Variants in TAFA5 observed in about 807,000 individuals in gnomAD.
TAFA5 encodes the protein TAFA chemokine like family member 5.
TAFA5 carries 6 observed loss-of-function variants against 15.3 expected under a neutral mutation model. The observed-to-expected ratio is 0.39, with a 90% confidence interval of 0.21 to 0.77. The LOEUF (loss-of-function observed/expected upper bound fraction) is 0.77. TAFA5 is among the 30% of genes least tolerant of loss of function. TAFA5 has a pLI of 0.41. For synonymous variants in TAFA5, 103 were observed against 80.7 expected (o/e 1.28, Z -1.48); for missense variants, 161 against 193.1 (o/e 0.83, Z 0.98).
rs182954193 is a variant in TAFA5 at position 48,745,687 on chromosome 22, G to A, written c.391-4152G>A. Among the ~76,000 whole-genome samples, 220 of 152,340 alleles carry A rather than the reference G, an allele frequency of 1.4e-3. 1 individual carries two copies. The highest frequency in any genetic ancestry group is 3.4e-3 in the Middle Eastern group (1 of 294). On this transcript the variant is annotated intron_variant, in intron 3 of 3. Coordinates refer to ENST00000402357, the MANE Select transcript of TAFA5 (RefSeq NM_001082967.3). Reference sequence around the variant, plus strand: ...ATGACTGTTCATCTGGGGCAGCAGCGGTGCCTCCTGTCAGATGCCTCTTCT... The same window carrying A: ...ATGACTGTTCATCTGGGGCAGCAGCAGTGCCTCCTGTCAGATGCCTCTTCT...
intron 1 of TAFA5, among the ~76,000 whole-genome samples, chr22:48,632,038 G>A (rs1232793736): frequency 6.6e-6 from 1 of 152,222 alleles, no homozygotes; most frequent in East Asian, 1.9e-4. Context: ...TTGTCACTGA[G>A]TGTCATGTGA....
intron 2 of TAFA5, among the ~76,000 whole-genome samples, chr22:48,680,946 G>A (rs550567800): frequency 5.4e-4 from 82 of 152,324 alleles, no homozygotes; most frequent in Non-Finnish European, 9.3e-4. Context: ...CCCAACCTGC[G>A]CTCCCACCAC....
intron 1 of TAFA5, among the ~76,000 whole-genome samples, chr22:48,645,440 C>G (rs888119283): frequency 6.6e-6 from 1 of 152,136 alleles, no homozygotes; most frequent in Non-Finnish European, 1.5e-5. Context: ...CTGTCGGGCC[C>G]TTGCAGAGAC....
At chr22:48,506,409 G>A (rs1310729531) in intron 1 of TAFA5, among the ~76,000 whole-genome samples, 1 of 152,228 alleles carries the variant, frequency 6.6e-6, no homozygotes, top group East Asian at 1.9e-4. Context: ...GAGGAGCTTT[G>A]TGTGTGTTTC....
In TAFA5 at chr22:48,505,621, G is replaced by T. The variant is rs576928940; in HGVS notation, c.112+15917G>T. Among the ~76,000 whole-genome samples, 22 of 152,336 alleles carry T rather than the reference G, an allele frequency of 1.4e-4. No individual in the cohort carries two copies. The East Asian group carries it at 4.2e-3, about 29-fold the overall frequency. On this transcript the variant is annotated intron_variant, in intron 1 of 3. Coordinates refer to ENST00000402357, the MANE Select transcript of TAFA5 (RefSeq NM_001082967.3). ...CAGCTTTGTCCACCTGTGGACCAGT[G>T]GGGAGCATCCACCAAGAAGGCATCC...
intron 1 of TAFA5, among the ~76,000 whole-genome samples, chr22:48,593,394 G>A (rs1924645050): frequency 6.6e-6 from 1 of 152,178 alleles, no homozygotes; most frequent in Middle Eastern, 3.2e-3. Flanking sequence ...GGTGACCGAT[G>A]TGAAGGGGAC....
chr22:48,601,396 G>T (rs1273291662), intron 1 of TAFA5, among the ~76,000 whole-genome samples: 1 of 151,750 alleles, frequency 6.6e-6, no homozygotes, highest in East Asian at 1.9e-4. Flanking sequence ...GCACCATCTT[G>T]GCTCACCGCA....
At chr22:48,708,532 C>A (rs939358451) in intron 3 of TAFA5, among the ~76,000 whole-genome samples, 3 of 152,206 alleles carry the variant, frequency 2.0e-5, no homozygotes, top group Non-Finnish European at 4.4e-5. Context: ...GAGGCGGTTT[C>A]CCCTGCAGAG....
intron 1 of TAFA5, among the ~76,000 whole-genome samples, chr22:48,496,829 C>T (rs1470324719): frequency 1.3e-5 from 2 of 152,168 alleles, no homozygotes; most frequent in African/African-American, 4.8e-5. Flanking sequence ...AGGAATCTGT[C>T]GCCCACAGCA....
At chr22:48,706,227 G>T (rs1929073349) in intron 2 of TAFA5, among the ~76,000 whole-genome samples, 1 of 152,204 alleles carries the variant, frequency 6.6e-6, no homozygotes, top group Admixed American at 6.5e-5. Flanking sequence ...CCCCAGGAAG[G>T]AGGGACCCAA....
intron 1 of TAFA5, among the ~76,000 whole-genome samples, chr22:48,542,422 T>G: frequency 8.2e-6 from 1 of 122,358 alleles, no homozygotes. Context: ...GTGTGTGGTG[T>G]GTATGTGTGT....
chr22:48,686,240 C>T (rs1928349714), intron 2 of TAFA5, among the ~76,000 whole-genome samples: 1 of 152,212 alleles, frequency 6.6e-6, no homozygotes, highest in African/African-American at 2.4e-5. Flanking sequence ...TTCACTGTGC[C>T]TTTGTCTGCT....
intron 2 of TAFA5, chr22:48,693,307 A>T: frequency 6.2e-7 from 1 of 1,608,734 alleles, no homozygotes; most frequent in Non-Finnish European, 8.5e-7. Context: ...TTGCCCTAAG[A>T]GAGTAATTGA....
At chr22:48,690,758 C>A (rs58739759) in intron 2 of TAFA5, among the ~76,000 whole-genome samples, 2 of 152,010 alleles carry the variant, frequency 1.3e-5, no homozygotes, top group African/African-American at 2.4e-5. Flanking sequence ...CTGAGGCACA[C>A]GGAAAGTACA....
At chr22:48,675,104 G>A (rs2147224934) in intron 2 of TAFA5, among the ~76,000 whole-genome samples, 1 of 152,216 alleles carries the variant, frequency 6.6e-6, no homozygotes, top group South Asian at 2.1e-4. Context: ...ACCACACACG[G>A]CTAATTTTTG....
chr22:48,506,425 G>T (rs1920999306), intron 1 of TAFA5, among the ~76,000 whole-genome samples: 1 of 152,226 alleles, frequency 6.6e-6, no homozygotes, highest in Non-Finnish European at 1.5e-5. Flanking sequence ...GTTTCCTTTG[G>T]GGTTCTAATG....
At chr22:48,729,088 T>C (rs1464750229) in intron 3 of TAFA5, among the ~76,000 whole-genome samples, 1 of 151,862 alleles carries the variant, frequency 6.6e-6, no homozygotes, top group Non-Finnish European at 1.5e-5. Context: ...ACTGAAGGAA[T>C]AGATAAATGT....
At chr22:48,590,467 T>C (rs1924526734) in intron 1 of TAFA5, among the ~76,000 whole-genome samples, 1 of 152,154 alleles carries the variant, frequency 6.6e-6, no homozygotes, top group Admixed American at 6.5e-5. Flanking sequence ...TTTTTAGCAG[T>C]GAGGTGATAC....
intron 3 of TAFA5, among the ~76,000 whole-genome samples, chr22:48,719,684 A>G (rs1929511248): frequency 6.6e-6 from 1 of 152,200 alleles, no homozygotes; most frequent in African/African-American, 2.4e-5. Context: ...ACCCGCACCT[A>G]ACTAATCTTT....
Sources: allele counts gnomAD v4.1 joint callset (sites outside exome capture counted in the v4.1 genomes callset), GRCh38; gene constraint gnomAD v4.1.1; transcripts MANE v1.5; gene names NCBI Gene and HGNC (gene_info 2026-07-23, HGNC 2026-07-21).